EPM2A: variants seen among roughly 807,000 people sequenced by gnomAD.
EPM2A encodes the protein laforin.
A neutral mutation model predicts 26.5 loss-of-function variants in EPM2A; 21 were observed. The ratio of observed to expected loss-of-function variants is 0.79; its 90% CI spans 0.56 to 1.14. The LOEUF is 1.14. Ranked by LOEUF, EPM2A falls within the 50% of genes most tolerant of loss-of-function variation. The probability of loss-of-function intolerance (pLI) is 0.00; values close to 1 mark genes in which losing one functional copy is unlikely to be tolerated. For missense variants in EPM2A, 458 were observed against 440.8 expected, an observed-to-expected ratio of 1.04 and a Z score of -0.35; for synonymous variants, 217 against 177.6, an observed-to-expected ratio of 1.22 and a Z score of -1.76.
intron 1 of EPM2A, among the ~76,000 whole-genome samples, chr6:145,704,399 T>C (rs1432721194): frequency 6.6e-6 from 1 of 152,190 alleles, no homozygotes; most frequent in Non-Finnish European, 1.5e-5. Context: ...AGAATATAAA[T>C]AAAGTATTCA....
intron 2 of EPM2A, among the ~76,000 whole-genome samples, chr6:145,673,444 C>T (rs1162984932): frequency 7.2e-5 from 11 of 152,150 alleles, no homozygotes; most frequent in Admixed American, 4.6e-4. Context: ...GTGCAGCCCA[C>T]GGAGGGTGAG....
chr6:145,633,195 T>G (rs959299472), intron 3 of EPM2A, among the ~76,000 whole-genome samples: 2 of 152,134 alleles, frequency 1.3e-5, no homozygotes, highest in Non-Finnish European at 2.9e-5. Flanking sequence ...CGTGGCACAG[T>G]TGGCAGCCTA....
intron 4 of EPM2A, among the ~76,000 whole-genome samples, chr6:145,416,074 T>C (rs1470351254): frequency 1.3e-5 from 2 of 152,162 alleles, no homozygotes; most frequent in Non-Finnish European, 2.9e-5. Flanking sequence ...GAAACCACTG[T>C]CTTGATCCTG....
chr6:145,491,097 CT>C, intron 4 of EPM2A: 1 of 649,740 alleles, frequency 1.5e-6, no homozygotes, highest in South Asian at 1.4e-5. Flanking sequence ...TGCAATCTTC[CT>C]TTTATTTGGC....
intron 2 of EPM2A, among the ~76,000 whole-genome samples, chr6:145,529,463 T>C (rs769034406): frequency 4.6e-5 from 7 of 152,136 alleles, no homozygotes; most frequent in South Asian, 2.1e-4. Flanking sequence ...AGATCCTCCA[T>C]AGCAAAAAAG....
At chr6:145,436,899 C>T (rs1778996631) in intron 4 of EPM2A, among the ~76,000 whole-genome samples, 1 of 151,570 alleles carries the variant, frequency 6.6e-6, no homozygotes, top group South Asian at 2.1e-4. Flanking sequence ...TATTGATATT[C>T]TCTATTTGGT....
chr6:145,640,796 C>T (rs1777033007), intron 2 of EPM2A: 1 of 152,166 alleles, frequency 6.6e-6, no homozygotes, highest in Admixed American at 6.5e-5. Context: ...TTCAGTAGCA[C>T]ATACAGCTCC....
Position 145,625,904 on chromosome 6 carries a change from T to A in EPM2A, c.*1512A>T. On this transcript the variant is annotated 3_prime_UTR_variant, in exon 4 of 4. Transcript: ENST00000367519. ...GAAGGTGCAGAAAAATAAATACGCA[T>A]CATAGTTTAATTAGGAAAGTAAGGG... 6.9e-7 allele frequency: 1 copy of A among 1,447,802 alleles called. No individual in the cohort carries two copies. Among genetic ancestry groups the A allele is most frequent in the Non-Finnish European group, 9.1e-7 (1 of 1,099,618 alleles). The allele number at this position is 1,447,802 out of a possible 1,614,324, so 89.7% of individuals were successfully genotyped here.
chr6:145,463,318 A>G (rs1779349183), intron 4 of EPM2A: 2 of 152,072 alleles, frequency 1.3e-5, no homozygotes, highest in Non-Finnish European at 2.9e-5. Context: ...CACAGGGGTC[A>G]GAACATCCAG....
intron 4 of EPM2A, among the ~76,000 whole-genome samples, chr6:145,471,014 C>T (rs1779466130): frequency 1.3e-5 from 2 of 152,124 alleles, no homozygotes; most frequent in Non-Finnish European, 2.9e-5. Flanking sequence ...CTCTCTTCCT[C>T]CCTGAAGTAG....
At chr6:145,497,576 T>C (rs915215644), downstream of EPM2A, among the ~76,000 whole-genome samples, 1 of 47,630 alleles carries the variant, frequency 2.1e-5, no homozygotes, top group Non-Finnish European at 4.9e-5. Context: ...GTAGCTGTGC[T>C]GTGCTGTTGT....
chr6:145,635,253 C>T lies in EPM2A; in HGVS notation c.710G>A (p.Ser237Asn), dbSNP rs1321203308. The T allele has an allele frequency of 5.0e-6, 8 of 1,614,142 alleles. No homozygotes were observed. Among genetic ancestry groups the T allele is most frequent in the Middle Eastern group, 1.6e-4 (1 of 6,062 alleles). The change falls in exon 3 of 4, where the codon AGC (serine) becomes AAC (asparagine). Residue 237 changes from serine (S) to asparagine (N), a missense_variant. Ser to Asn is a conservative substitution (Grantham distance 46). Transcript: ENST00000367519. ...AYIWMPTPDM[S>N]TEGRVQMLPQ... ...ACAGTTCTGATCCTTACCTTCGGTG[C>T]TCATATCTGGTGTTGGCATCCAGAT...
intron 2 of EPM2A, among the ~76,000 whole-genome samples, chr6:145,618,255 G>GA (rs367849868): frequency 1.1e-3 from 169 of 152,246 alleles, no homozygotes; most frequent in African/African-American, 3.7e-3. Context: ...CCAGGCAGAG[G>GA]AAAAAATATG....
intron 2 of EPM2A, among the ~76,000 whole-genome samples, chr6:145,566,998 T>G (rs1427443951): frequency 6.6e-6 from 1 of 152,202 alleles, no homozygotes; most frequent in Non-Finnish European, 1.5e-5. Context: ...ACATGCTTGG[T>G]GCACTTGCCA....
At chr6:145,430,464 G>A (rs544512936) in intron 4 of EPM2A, among the ~76,000 whole-genome samples, 6 of 151,892 alleles carry the variant, frequency 4.0e-5, no homozygotes, top group Non-Finnish European at 8.8e-5. Context: ...AGCTGGGCGT[G>A]GTGGTGGGCG....
intron 2 of EPM2A, among the ~76,000 whole-genome samples, chr6:145,658,118 A>G (rs751445542): frequency 1.3e-5 from 2 of 152,214 alleles, no homozygotes; most frequent in Non-Finnish European, 1.5e-5. Context: ...GCCCAAGACA[A>G]TATCTTTAAA....
chr6:145,502,766 G>A (rs1014695232), intron 2 of EPM2A, among the ~76,000 whole-genome samples: 2 of 152,120 alleles, frequency 1.3e-5, no homozygotes, highest in African/African-American at 4.8e-5. Flanking sequence ...AATAAATCAT[G>A]ACTATTAATA....
intron 4 of EPM2A, among the ~76,000 whole-genome samples, chr6:145,416,664 T>G (rs1438905990): frequency 6.6e-6 from 1 of 152,186 alleles, no homozygotes; most frequent in African/African-American, 2.4e-5. Context: ...TAAGGGTATT[T>G]ATATTCCAGA....
rs181642286 is a variant in EPM2A, at chr6:145,435,897, C to T, written c.556-51800G>A. On this transcript the variant is annotated intron_variant, in intron 4 of 4. Coordinates refer to the EPM2A transcript ENST00000638717. ...CCCTGTGCACACACATACATAGCAT[C>T]CCCCAAAAAGTGGTGTCTTTTTACG... 2.0e-3 allele frequency among the ~76,000 whole-genome samples: 297 copies of T among 152,214 alleles called. 2 individuals carry two copies. The highest frequency in any genetic ancestry group is 9.4e-3 in the Admixed American group (143 of 15,294).
Sources: gnomAD v4.1 joint callset for allele counts (sites outside exome capture counted in the v4.1 genomes callset) on GRCh38, gnomAD v4.1.1 for gene constraint, MANE v1.5 for transcripts, NCBI Gene and HGNC (gene_info 2026-07-23, HGNC 2026-07-21) for gene names.